PTPRZ1: variants seen among roughly 807,000 people sequenced by gnomAD.
The protein encoded by PTPRZ1 is receptor-type tyrosine-protein phosphatase zeta.
A neutral mutation model predicts 214.1 loss-of-function variants in PTPRZ1; 82 were observed. That is an observed-to-expected ratio of 0.38 (90% CI 0.32 to 0.46). The LOEUF (loss-of-function observed/expected upper bound fraction) is 0.46. Ranked by LOEUF, PTPRZ1 falls within the 20% of genes least tolerant of loss-of-function variation. The probability of loss-of-function intolerance (pLI) is 1.00; values close to 1 mark genes in which losing one functional copy is unlikely to be tolerated. For synonymous variants in PTPRZ1, 945 were observed against 987.9 expected, an observed-to-expected ratio of 0.96 and a Z score of 0.81; for missense variants, 2,603 against 2,748.7, an observed-to-expected ratio of 0.95 and a Z score of 1.19.
chr7:121,955,656 C>T (rs1339950817), intron 2 of PTPRZ1, among the ~76,000 whole-genome samples: 1 of 152,158 alleles, frequency 6.6e-6, no homozygotes, highest in Non-Finnish European at 1.5e-5. Context: ...CCTGCATTGC[C>T]TTCAGTCTGA....
At position 122,044,469 on chromosome 7, in the gene PTPRZ1, T is replaced by G; in HGVS notation, c.5985T>G (p.Ser1995Arg). 1 of 1,613,926 alleles carries G rather than the reference T, an allele frequency of 6.2e-7. No homozygotes were observed. The highest frequency in any genetic ancestry group is 8.5e-7 in the Non-Finnish European group (1 of 1,179,828). Residue 1995 changes from serine (S) to arginine (R), a missense_variant, in exon 23 of 30, where the codon AGT becomes AGG. Physicochemically the swap from Ser to Arg is moderately radical, Grantham distance 110. Coordinates refer to ENST00000393386, the MANE Select transcript of PTPRZ1 (RefSeq NM_002851.3). ...IHDTLVEAIL[S>R]KETEVLDSHI... ...ATACACTGGTTGAGGCCATACTTAG[T>G]AAAGAAACTGAGGTGCTGGACAGTC...
intron 2 of PTPRZ1, among the ~76,000 whole-genome samples, chr7:121,933,404 A>G (rs1563024394): frequency 1.3e-5 from 2 of 152,106 alleles, no homozygotes. Context: ...CTTTTTCACC[A>G]ATCTTTAAAG....
chr7:121,899,233 G>A (rs1304254259), intron 1 of PTPRZ1, among the ~76,000 whole-genome samples: 4 of 151,728 alleles, frequency 2.6e-5, no homozygotes, highest in Non-Finnish European at 5.9e-5. Context: ...ATTCCACTAG[G>A]CATTAAAGCT....
At chr7:122,017,018 T>C (rs908204689) in intron 12 of PTPRZ1, among the ~76,000 whole-genome samples, 1 of 152,088 alleles carries the variant, frequency 6.6e-6, no homozygotes, top group Non-Finnish European at 1.5e-5. Context: ...ATGATGATGT[T>C]GATGCTGCTA....
At chr7:122,004,504 AC>A in intron 10 of PTPRZ1, 109 bp from the exon 11 acceptor site, 1 of 624,946 alleles carries the variant, frequency 1.6e-6, no homozygotes, top group South Asian at 1.7e-5. Context: ...TTCAAAGCTG[AC>A]ATTAACTTTT....
chr7:122,004,878 A>T (rs1019452217), intron 11 of PTPRZ1, among the ~76,000 whole-genome samples: 1 of 152,066 alleles, frequency 6.6e-6, no homozygotes, highest in African/African-American at 2.4e-5. Context: ...TATAGTACTA[A>T]AAAACAAGAA....
chr7:121,884,135 A>G (rs1794324899), intron 1 of PTPRZ1, among the ~76,000 whole-genome samples: 2 of 152,272 alleles, frequency 1.3e-5, no homozygotes, highest in Non-Finnish European at 1.5e-5. Context: ...TGAATGCCAA[A>G]CTTTTGTCTA....
chr7:122,053,565 A>G (rs1354748075), intron 25 of PTPRZ1, among the ~76,000 whole-genome samples: 1 of 152,196 alleles, frequency 6.6e-6, no homozygotes, highest in Non-Finnish European at 1.5e-5. Flanking sequence ...CTACAAGATG[A>G]TAGGTAACCT....
At chr7:122,048,889 A>G (rs527558536) in intron 23 of PTPRZ1, among the ~76,000 whole-genome samples, 1 of 152,264 alleles carries the variant, frequency 6.6e-6, no homozygotes, top group South Asian at 2.1e-4. Flanking sequence ...GGACAAATAT[A>G]ACTTTGATAC....
intron 3 of PTPRZ1, among the ~76,000 whole-genome samples, chr7:121,971,630 G>T (rs1051104140): frequency 6.6e-6 from 1 of 152,118 alleles, no homozygotes; most frequent in South Asian, 2.1e-4. Flanking sequence ...ACTTACCAAG[G>T]TTGTGCGAAG....
intron 1 of PTPRZ1, chr7:121,909,010 G>A (rs1795196242): frequency 2.0e-6 from 1 of 509,268 alleles, no homozygotes; most frequent in South Asian, 1.4e-5. Flanking sequence ...ATTATTCGAT[G>A]TATTAGATAT....
intron 15 of PTPRZ1, among the ~76,000 whole-genome samples, chr7:122,033,103 A>G (rs1799430966): frequency 6.6e-6 from 1 of 152,018 alleles, no homozygotes; most frequent in South Asian, 2.1e-4. Context: ...TTAAATTAAT[A>G]AAATAACTTC....
Position 121,873,416 on chromosome 7 carries a change from A to AC in PTPRZ1, c.-84_-83insC. ...CTGGAGGATTAAAACAAACAAACAA[A>AC]AAAAACATTTCCTTCGCTCCCCCTC... On this transcript the variant is annotated 5_prime_UTR_variant, in exon 1 of 30. Transcript: ENST00000393386. 7.0e-7 allele frequency: 1 copy of AC among 1,433,378 alleles called. No individual in the cohort carries two copies. Among genetic ancestry groups the AC allele is most frequent in the Non-Finnish European group, 9.6e-7 (1 of 1,040,440 alleles). The allele number at this position is 1,433,378 out of a possible 1,614,324, so 88.8% of individuals were successfully genotyped here.
chr7:122,023,531 A>ATG (rs1266408636), intron 13 of PTPRZ1, among the ~76,000 whole-genome samples: 9 of 134,628 alleles, frequency 6.7e-5, no homozygotes, highest in South Asian at 2.1e-4. Context: ...AATTATATAT[A>ATG]TATAATTTTA....
intron 1 of PTPRZ1, among the ~76,000 whole-genome samples, chr7:121,898,456 T>C (rs757014076): frequency 4.6e-5 from 7 of 152,320 alleles, no homozygotes; most frequent in Non-Finnish European, 1.0e-4. Flanking sequence ...GTAATATAAA[T>C]GTAATAGATA....
intron 1 of PTPRZ1, among the ~76,000 whole-genome samples, chr7:121,918,699 C>T (rs1187523746): frequency 6.6e-6 from 1 of 151,562 alleles, no homozygotes; most frequent in Non-Finnish European, 1.5e-5. Context: ...GAATATTTAA[C>T]AAAAACTCAT....
chr7:122,015,672 T>A (rs771536835), intron 12 of PTPRZ1, among the ~76,000 whole-genome samples: 1 of 152,108 alleles, frequency 6.6e-6, no homozygotes, highest in Non-Finnish European at 1.5e-5. Context: ...GTGACATTGA[T>A]ACGTTCTTGC....
chr7:122,003,599 T>C (rs1798389718), intron 10 of PTPRZ1, among the ~76,000 whole-genome samples: 1 of 152,124 alleles, frequency 6.6e-6, no homozygotes, highest in Non-Finnish European at 1.5e-5. Context: ...ACATAAAACA[T>C]AGAACATAAG....
intron 27 of PTPRZ1, among the ~76,000 whole-genome samples, chr7:122,055,878 T>C (rs1792335342): frequency 6.6e-6 from 1 of 151,884 alleles, no homozygotes; most frequent in Non-Finnish European, 1.5e-5. Context: ...AACTAGTACA[T>C]ATATGGTATA....
Sources: gnomAD v4.1 joint callset for allele counts (sites outside exome capture counted in the v4.1 genomes callset) on GRCh38, gnomAD v4.1.1 for gene constraint, MANE v1.5 for transcripts, NCBI Gene and HGNC (gene_info 2026-07-23, HGNC 2026-07-21) for gene names.